Variants in C11orf65 observed in about 807,000 individuals in gnomAD.
C11orf65 encodes the protein chromosome 11 open reading frame 65.
C11orf65 carries 38 observed loss-of-function variants against 35.3 expected under a neutral mutation model. That is an observed-to-expected ratio of 1.08 (90% CI 0.83 to 1.41). C11orf65 has a LOEUF of 1.41. Ranked by LOEUF, C11orf65 falls within the 40% of genes most tolerant of loss-of-function variation. C11orf65 has a pLI of 0.00. For missense variants in C11orf65, 370 were observed against 367.1 expected (o/e 1.01, Z -0.06); for synonymous variants, 105 against 114.4 (o/e 0.92, Z 0.53).
chr11:108,377,046 G>A (rs1270813799), intron 2 of C11orf65, among the ~76,000 whole-genome samples: 2 of 151,490 alleles, frequency 1.3e-5, no homozygotes, highest in Non-Finnish European at 2.9e-5. Context: ...AATTCTACCA[G>A]AGGTACAAGG....
At chr11:108,347,087 A>G (rs2088512525) in intron 2 of C11orf65, among the ~76,000 whole-genome samples, 1 of 152,204 alleles carries the variant, frequency 6.6e-6, no homozygotes, top group South Asian at 2.1e-4. Context: ...GTAAAATGCA[A>G]TATGCATTAA....
chr11:108,383,288 A>C (rs1039801405), intron 8 of C11orf65, 113 bp from the exon 9 acceptor site: 2 of 919,928 alleles, frequency 2.2e-6, no homozygotes, highest in East Asian at 2.8e-5. Flanking sequence ...CTTAAAGCAA[A>C]TATCTTCACC....
intron 2 of C11orf65, chr11:108,368,033 C>T: frequency 4.8e-6 from 1 of 206,804 alleles, no homozygotes; most frequent in Non-Finnish European, 9.9e-6. Context: ...TTGTTGCATC[C>T]AGAGAGCTTT....
intron 2 of C11orf65, among the ~76,000 whole-genome samples, chr11:108,344,178 TG>T (rs2087978711): frequency 1.3e-5 from 2 of 152,180 alleles, no homozygotes; most frequent in Admixed American, 1.3e-4. Flanking sequence ...GGTGTTGTGA[TG>T]GAAGTCTGTA....
intron 7 of C11orf65, among the ~76,000 whole-genome samples, chr11:108,387,136 T>TTTTC (rs1192514736): frequency 5.0e-5 from 7 of 139,578 alleles, no homozygotes; most frequent in African/African-American, 1.0e-4. Context: ...TTTTCTTTTC[T>TTTTC]TTTCTTTCTT....
intron 2 of C11orf65, among the ~76,000 whole-genome samples, chr11:108,371,491 C>A (rs771624817): frequency 2.0e-5 from 3 of 152,172 alleles, no homozygotes; most frequent in Non-Finnish European, 4.4e-5. Context: ...CAATATTTGT[C>A]TCTTTGTGAC....
At chr11:108,372,746 A>T (rs2091606147) in intron 2 of C11orf65, among the ~76,000 whole-genome samples, 1 of 152,210 alleles carries the variant, frequency 6.6e-6, no homozygotes, top group Non-Finnish European at 1.5e-5. Context: ...TAATATTAGA[A>T]TAACCCATTT....
chr11:108,409,672 T>C (rs1453148776), intron 3 of C11orf65, among the ~76,000 whole-genome samples: 1 of 151,870 alleles, frequency 6.6e-6, no homozygotes. Flanking sequence ...CTGGTACCAG[T>C]CCATGGCCTG....
chr11:108,335,844 G>A lies in C11orf65; in HGVS notation c.227-552C>T, dbSNP rs1398616877. 6.2e-7 allele frequency: 1 copy of A among 1,610,548 alleles called. No homozygotes were observed. Among genetic ancestry groups the A allele is most frequent in the Non-Finnish European group, 8.5e-7 (1 of 1,176,936 alleles). On this transcript the variant is annotated intron_variant, in intron 2 of 3. Transcript: ENST00000524755. ...TTTATTCATGCTTAATTATTCTGAA[G>A]GGCCGTGATGACCTGAGACAAGATG...
chr11:108,440,584 G>T (rs2093136359), intron 2 of C11orf65, among the ~76,000 whole-genome samples: 1 of 152,174 alleles, frequency 6.6e-6, no homozygotes, highest in Non-Finnish European at 1.5e-5. Context: ...AAACAGGATA[G>T]TCAATCATCA....
At chr11:108,381,721 A>G (rs562846210), downstream of C11orf65, among the ~76,000 whole-genome samples, 4 of 152,250 alleles carry the variant, frequency 2.6e-5, no homozygotes, top group South Asian at 8.3e-4. Flanking sequence ...GTTTCCTTTG[A>G]AAGGAATCAC....
At chr11:108,357,056 G>A (rs890588515) in intron 2 of C11orf65, among the ~76,000 whole-genome samples, 1 of 152,176 alleles carries the variant, frequency 6.6e-6, no homozygotes, top group African/African-American at 2.4e-5. Flanking sequence ...ACTAGGGAGC[G>A]CCAGACAGTG....
chr11:108,457,265 T>C (rs1384307271), intron 2 of C11orf65, among the ~76,000 whole-genome samples: 1 of 152,148 alleles, frequency 6.6e-6, no homozygotes, highest in Admixed American at 6.6e-5. Context: ...AGCCAACAGA[T>C]TACTTCTAAA....
intron 6 of C11orf65, among the ~76,000 whole-genome samples, chr11:108,394,878 C>T (rs1233975619): frequency 6.6e-6 from 1 of 152,162 alleles, no homozygotes; most frequent in African/African-American, 2.4e-5. Flanking sequence ...TGCCTATAAT[C>T]CCAGCACTTT....
intron 2 of C11orf65, among the ~76,000 whole-genome samples, chr11:108,440,622 C>A (rs908901414): frequency 6.6e-6 from 1 of 152,180 alleles, no homozygotes; most frequent in Non-Finnish European, 1.5e-5. Context: ...CTCCATGAGG[C>A]TAGCCTGGGA....
chr11:108,405,075 C>A (rs564849017), intron 6 of C11orf65, among the ~76,000 whole-genome samples: 1 of 152,284 alleles, frequency 6.6e-6, no homozygotes, highest in African/African-American at 2.4e-5. Flanking sequence ...TTAAGACAAG[C>A]CTTTGATGTG....
rs150227267 is a variant in C11orf65, at chr11:108,464,512, C to A, written c.-9-2944G>T. On this transcript the variant is annotated intron_variant, in intron 1 of 8. Coordinates refer to ENST00000393084, the MANE Select transcript of C11orf65 (RefSeq NM_152587.5). ...AAGTAGCTGGCACTACAGGTGTGCACCACCGTGCCCAGTTAATTTTTGTAT... is the reference window on the plus strand; with the variant it reads ...AAGTAGCTGGCACTACAGGTGTGCAACACCGTGCCCAGTTAATTTTTGTAT... Among the ~76,000 whole-genome samples, 629 of 152,240 alleles carry A rather than the reference C, an allele frequency of 4.1e-3. 3 individuals are homozygous for A. The highest frequency in any genetic ancestry group is 0.014 in the African/African-American group (585 of 41,528).
At chr11:108,408,148 A>G (rs1416072292) in intron 3 of C11orf65, among the ~76,000 whole-genome samples, 2 of 151,714 alleles carry the variant, frequency 1.3e-5, no homozygotes, top group East Asian at 3.9e-4. Context: ...TCTTATGGAC[A>G]TCTATGGTAA....
intron 3 of C11orf65, among the ~76,000 whole-genome samples, chr11:108,411,490 C>T (rs1165745995): frequency 6.6e-6 from 1 of 152,124 alleles, no homozygotes; most frequent in Non-Finnish European, 1.5e-5. Context: ...AGCGTTCTCT[C>T]TATATATCAA....
Sources: allele counts gnomAD v4.1 joint callset (sites outside exome capture counted in the v4.1 genomes callset), GRCh38; gene constraint gnomAD v4.1.1; transcripts MANE v1.5; gene names NCBI Gene and HGNC (gene_info 2026-07-23, HGNC 2026-07-21).